Variants in MYO1B observed in about 807,000 individuals in gnomAD.
MYO1B encodes the protein unconventional myosin-Ib.
A neutral mutation model predicts 159.7 loss-of-function variants in MYO1B; 72 were observed. The ratio of observed to expected loss-of-function variants is 0.45; its 90% CI spans 0.37 to 0.55. MYO1B has a LOEUF of 0.55. Among genes scored for constraint, MYO1B ranks in the 20% least tolerant of loss-of-function variants. The pLI, the probability that MYO1B is intolerant of heterozygous loss-of-function variation, is 0.00. For synonymous variants in MYO1B, 468 were observed against 473.8 expected, an observed-to-expected ratio of 0.99 and a Z score of 0.16; for missense variants, 1,062 against 1,364.8, an observed-to-expected ratio of 0.78 and a Z score of 3.50.
chr2:191,323,011 GA>G (rs1186977440), intron 3 of MYO1B, among the ~76,000 whole-genome samples: 1 of 152,174 alleles, frequency 6.6e-6, no homozygotes, highest in Non-Finnish European at 1.5e-5. Context: ...AGTTTTCCAG[GA>G]AAGGGGTGGG....
At chr2:191,365,672 G>T (rs1233595216) in intron 11 of MYO1B, among the ~76,000 whole-genome samples, 1 of 152,192 alleles carries the variant, frequency 6.6e-6, no homozygotes, top group East Asian at 1.9e-4. Flanking sequence ...GGAAGTAAGA[G>T]GTTAGGGAAG....
At chr2:191,278,508 T>C (rs542054110) in intron 2 of MYO1B, among the ~76,000 whole-genome samples, 292 of 152,364 alleles carry the variant, frequency 1.9e-3, no homozygotes, top group African/African-American at 6.9e-3. Context: ...ATTGACCTTT[T>C]CATTCTTCTC....
At chr2:191,397,740 A>AG (rs913809892) in intron 21 of MYO1B, among the ~76,000 whole-genome samples, 1 of 144,688 alleles carries the variant, frequency 6.9e-6, no homozygotes, top group Non-Finnish European at 1.5e-5. Context: ...GGCCGGGCAG[A>AG]GGGGCTCCTC....
chr2:191,397,911 C>T (rs1170418055), intron 21 of MYO1B, among the ~76,000 whole-genome samples: 2 of 103,872 alleles, frequency 1.9e-5, no homozygotes, highest in Non-Finnish European at 2.0e-5. Flanking sequence ...CAGAGGCGCC[C>T]CTCACCTCCC....
At chr2:191,385,309 T>G (rs557762601) in intron 15 of MYO1B, among the ~76,000 whole-genome samples, 1 of 152,356 alleles carries the variant, frequency 6.6e-6, no homozygotes, top group South Asian at 2.1e-4. Context: ...ATGAAACAGA[T>G]ATTCTTGAAA....
chr2:191,275,485 C>T (rs552375816), intron 1 of MYO1B, among the ~76,000 whole-genome samples: 1 of 152,256 alleles, frequency 6.6e-6, no homozygotes, highest in Admixed American at 6.5e-5. Context: ...TCCTAGTTCT[C>T]TTTAAACCAG....
At chr2:191,334,816 C>T (rs1359169985) in intron 4 of MYO1B, among the ~76,000 whole-genome samples, 2 of 152,192 alleles carry the variant, frequency 1.3e-5, no homozygotes, top group African/African-American at 4.8e-5. Flanking sequence ...TTCCAAATCT[C>T]ATGTTCATCA....
intron 4 of MYO1B, among the ~76,000 whole-genome samples, chr2:191,334,407 G>A (rs903910168): frequency 3.9e-5 from 6 of 152,160 alleles, no homozygotes; most frequent in African/African-American, 1.4e-4. Flanking sequence ...TGCTGTTTCA[G>A]AGGATTGGCA....
intron 1 of MYO1B, among the ~76,000 whole-genome samples, chr2:191,275,066 C>T (rs1200449125): frequency 5.9e-5 from 9 of 151,968 alleles, no homozygotes; most frequent in East Asian, 5.8e-4. Flanking sequence ...CCACCATGCC[C>T]GGCTAATTTT....
chr2:191,392,043 A>G (rs992476464), intron 18 of MYO1B, 65 bp from the exon 19 acceptor site: 7 of 1,202,664 alleles, frequency 5.8e-6, no homozygotes, highest in Middle Eastern at 2.8e-4. Context: ...ACCTGATACC[A>G]TGATAGAAGA....
chr2:191,330,851 A>G (rs1356732057), intron 4 of MYO1B, among the ~76,000 whole-genome samples: 3 of 152,244 alleles, frequency 2.0e-5, no homozygotes, highest in African/African-American at 4.8e-5. Flanking sequence ...TTTAGTATTC[A>G]AAGGTGGAAT....
chr2:191,346,719 A>C (rs1295943681), intron 6 of MYO1B, among the ~76,000 whole-genome samples: 1 of 152,354 alleles, frequency 6.6e-6, no homozygotes, highest in African/African-American at 2.4e-5. Flanking sequence ...GGTAAAGTCC[A>C]TAGGCTTGGC....
At chr2:191,346,885 G>A (rs1692603934) in intron 6 of MYO1B, among the ~76,000 whole-genome samples, 1 of 152,128 alleles carries the variant, frequency 6.6e-6, no homozygotes, top group South Asian at 2.1e-4. Context: ...CTACTCCCTG[G>A]CCTGTGCCTT....
At chr2:191,251,092 C>T (rs532278815) in intron 1 of MYO1B, among the ~76,000 whole-genome samples, 1 of 152,268 alleles carries the variant, frequency 6.6e-6, no homozygotes, top group Non-Finnish European at 1.5e-5. Context: ...CCCAGTCCTG[C>T]GTCATTCTCC....
intron 30 of MYO1B, among the ~76,000 whole-genome samples, chr2:191,418,739 T>G (rs376791254): frequency 6.6e-6 from 1 of 152,274 alleles, no homozygotes. Flanking sequence ...TCCGCCCCCC[T>G]GGGCCTCTGA....
intron 4 of MYO1B, among the ~76,000 whole-genome samples, chr2:191,331,464 A>G (rs935218672): frequency 5.3e-5 from 8 of 152,210 alleles, no homozygotes; most frequent in African/African-American, 1.9e-4. Context: ...ATTTGTCTTC[A>G]GTCTGCTACC....
chr2:191,323,818 C>T lies in MYO1B; in HGVS notation c.252-6117C>T, dbSNP rs114600609. 6.7e-3 allele frequency among the ~76,000 whole-genome samples: 1,016 copies of T among 151,984 alleles called. 7 individuals are homozygous for T. Among genetic ancestry groups the T allele is most frequent in the African/African-American group, 0.024 (985 of 41,452 alleles). ...GTAGCCAGTAAAAACAATCCTTTTC[C>T]GGTTATGTAGCCAAAGGAAAGCAAC... is the stretch of plus-strand genomic sequence containing the variant. On this transcript the variant is annotated intron_variant, in intron 3 of 30. Transcript: ENST00000392318.
chr2:191,258,253 T>G (rs1336221706), intron 1 of MYO1B, among the ~76,000 whole-genome samples: 1 of 152,298 alleles, frequency 6.6e-6, no homozygotes, highest in East Asian at 1.9e-4. Flanking sequence ...ATACTGAATA[T>G]TGTAGGCAAT....
intron 9 of MYO1B, 24 bp downstream of exon 9, chr2:191,362,395 G>T (rs1389226634): frequency 1.9e-6 from 3 of 1,568,146 alleles, no homozygotes; most frequent in Non-Finnish European, 2.6e-6. Flanking sequence ...CTTTCATCAA[G>T]CTTTAAATTG....
Sources: allele counts gnomAD v4.1 joint callset (sites outside exome capture counted in the v4.1 genomes callset), GRCh38; gene constraint gnomAD v4.1.1; transcripts MANE v1.5; gene names NCBI Gene and HGNC (gene_info 2026-07-23, HGNC 2026-07-21).